Variants in SEZ6L observed in about 807,000 individuals in gnomAD.
SEZ6L encodes seizure related 6 homolog like.
In SEZ6L, 37 loss-of-function variants were observed where a neutral mutation model predicts 106.2. The observed-to-expected ratio is 0.35, with a 90% CI of 0.27 to 0.46. The LOEUF (loss-of-function observed/expected upper bound fraction) is 0.46, where lower values mean the gene tolerates loss of function less well. Among genes scored for constraint, SEZ6L ranks in the 20% least tolerant of loss-of-function variants. The pLI is 1.00. For synonymous variants in SEZ6L, 541 were observed against 570.4 expected (o/e 0.95, Z 0.73); for missense variants, 1,172 against 1,332.8 (o/e 0.88, Z 1.88).
rs369690932 is a variant in SEZ6L at position 26,375,585 on chromosome 22, G to A, written c.2838G>A (p.Ala946=). The A allele has an allele frequency of 7.4e-6, 12 of 1,613,908 alleles. No homozygotes were observed. Among genetic ancestry groups the A allele is most frequent in the Middle Eastern group, 1.6e-4 (1 of 6,066 alleles). The change falls in exon 15 of 17, where the codon GCG becomes GCA. Residue 946 remains alanine (A), a synonymous_variant. Coordinates refer to ENST00000248933, the MANE Select transcript of SEZ6L (RefSeq NM_021115.5). The part of the protein sequence containing the change: ...SFEHALEVAE[A]AAETSLEGGN... ...GGCTCCTGTGTTCAGTAGCAGAAGC[G>A]GCAGCAGAGACGTCGCTGGAAGGGG...
intron 9 of SEZ6L, among the ~76,000 whole-genome samples, chr22:26,337,129 G>A (rs1166063679): frequency 6.6e-6 from 1 of 152,132 alleles, no homozygotes; most frequent in East Asian, 1.9e-4. Flanking sequence ...GGAATATTAA[G>A]GCTGATTCAC....
At chr22:26,326,084 G>A (rs16981735) in intron 9 of SEZ6L, among the ~76,000 whole-genome samples, 2,166 of 152,248 alleles carry the variant, frequency 0.014, 50 homozygotes, top group African/African-American at 0.048. Context: ...GGATTGTGGT[G>A]GTAACTTGGA....
At chr22:26,263,796 C>T (rs142535840) in intron 1 of SEZ6L, among the ~76,000 whole-genome samples, 264 of 152,316 alleles carry the variant, frequency 1.7e-3, no homozygotes, top group African/African-American at 5.9e-3. Flanking sequence ...TCTCTTCCTT[C>T]TCTCAGCCTT....
At chr22:26,184,032 A>T (rs1488874522) in intron 1 of SEZ6L, among the ~76,000 whole-genome samples, 5 of 152,252 alleles carry the variant, frequency 3.3e-5, no homozygotes, top group Non-Finnish European at 7.3e-5. Context: ...ACTGAGGGTC[A>T]GAGAAACTCC....
rs1205653938 is a variant in SEZ6L at position 26,365,440 on chromosome 22, C to T, written c.2668C>T (p.Leu890Phe). Residue 890 changes from leucine (L) to phenylalanine (F), a missense_variant, in exon 13 of 17, where the codon CTC becomes TTC. Physicochemically the swap from Leu to Phe is conservative, Grantham distance 22. This residue lies in a region of SEZ6L where 141 missense variants were observed against 176.0 expected (regional missense o/e 0.80). Coordinates refer to ENST00000248933, the MANE Select transcript of SEZ6L (RefSeq NM_021115.5). ...TGGATACCAAATCCTGTACAAGCGACTCTACCTGCCAGGAGAGTCCCTCAC... is the reference window on the plus strand; with the variant it reads ...TGGATACCAAATCCTGTACAAGCGATTCTACCTGCCAGGAGAGTCCCTCAC... Reference protein sequence around the residue: ...ENGYQILYKRLYLPGESLTFM... With the variant: ...ENGYQILYKRFYLPGESLTFM... 6.2e-7 allele frequency: 1 copy of T among 1,614,022 alleles called. No individual in the cohort carries two copies. The highest frequency in any genetic ancestry group is 1.7e-5 in the Admixed American group (1 of 60,016).
At chr22:26,302,162 T>G (rs563313691) in intron 5 of SEZ6L, among the ~76,000 whole-genome samples, 1 of 152,278 alleles carries the variant, frequency 6.6e-6, no homozygotes, top group East Asian at 1.9e-4. Flanking sequence ...CCAGATCCCT[T>G]CTCTCCTGAG....
chr22:26,359,284 T>TG (rs1182201899), intron 12 of SEZ6L, among the ~76,000 whole-genome samples: 1 of 152,154 alleles, frequency 6.6e-6, no homozygotes, highest in Non-Finnish European at 1.5e-5. Context: ...TAGAGAATCC[T>TG]CAGCTCAAAT....
chr22:26,308,067 T>C (rs2145917085), intron 6 of SEZ6L, among the ~76,000 whole-genome samples: 1 of 152,262 alleles, frequency 6.6e-6, no homozygotes, highest in South Asian at 2.1e-4. Context: ...ATGAAGACAC[T>C]ACTCTCTGGG....
Position 26,375,351 on chromosome 22 carries a change from T to TA in SEZ6L, c.2828-223dup, listed in dbSNP as rs1165257390. Among the ~76,000 whole-genome samples the TA allele has an allele frequency of 2.0e-5, 3 of 152,298 alleles. No individual in the cohort carries two copies. In the East Asian group the frequency reaches 5.8e-4, roughly 29 times the overall value. On this transcript the variant is annotated intron_variant, in intron 14 of 16. Coordinates refer to ENST00000248933, the MANE Select transcript of SEZ6L (RefSeq NM_021115.5). ...TCAGGTTTCAAACAGTGTAATTCTC[T>TA]ATAGCTCCTATGGCCAACCCACCAA...
chr22:26,346,250 C>T (rs2083003853), intron 10 of SEZ6L, among the ~76,000 whole-genome samples: 1 of 152,094 alleles, frequency 6.6e-6, no homozygotes, highest in South Asian at 2.1e-4. Context: ...CTACATTGTC[C>T]AAGCTGATCT....
rs2083771334 is a variant in SEZ6L, at chr22:26,365,365, A to G, written c.2600-7A>G. 1.9e-6 allele frequency: 3 copies of G among 1,585,500 alleles called. No homozygotes were observed. The highest frequency in any genetic ancestry group is 2.6e-6 in the Non-Finnish European group (3 of 1,158,948). On this transcript the variant is annotated splice_region_variant and splice_polypyrimidine_tract_variant and intron_variant, in intron 12 of 16. Coordinates refer to ENST00000248933, the MANE Select transcript of SEZ6L (RefSeq NM_021115.5). ...CTCATCAGAGCTCCTTCTGGCTTGC[A>G]TTTCAGCGGAGGAGTCCCTGGCATG...
intron 12 of SEZ6L, among the ~76,000 whole-genome samples, chr22:26,360,485 G>A (rs1243356576): frequency 6.6e-6 from 1 of 152,204 alleles, no homozygotes; most frequent in Non-Finnish European, 1.5e-5. Flanking sequence ...CACAGAAGGT[G>A]TCCAGTGAAT....
intron 1 of SEZ6L, among the ~76,000 whole-genome samples, chr22:26,190,012 G>A (rs1009021280): frequency 1.3e-5 from 2 of 151,934 alleles, no homozygotes; most frequent in African/African-American, 4.8e-5. Flanking sequence ...CAGGAGAATG[G>A]CCTGAACCCG....
At chr22:26,175,053 T>C (rs1487864864) in intron 1 of SEZ6L, among the ~76,000 whole-genome samples, 1 of 152,132 alleles carries the variant, frequency 6.6e-6, no homozygotes, top group Non-Finnish European at 1.5e-5. Context: ...GTCAGAATCA[T>C]GACATCAAGT....
intron 1 of SEZ6L, among the ~76,000 whole-genome samples, chr22:26,202,548 C>T (rs904116931): frequency 1.3e-5 from 2 of 152,234 alleles, no homozygotes; most frequent in African/African-American, 4.8e-5. Flanking sequence ...CTTGAGGACA[C>T]TGTCAGGCAC....
chr22:26,269,378 C>T (rs2080290009), intron 1 of SEZ6L, among the ~76,000 whole-genome samples: 1 of 152,166 alleles, frequency 6.6e-6, no homozygotes, highest in Admixed American at 6.5e-5. Flanking sequence ...TAGCAGTACC[C>T]ACTGCTCTCT....
intron 4 of SEZ6L, among the ~76,000 whole-genome samples, chr22:26,297,728 C>T (rs2081341333): frequency 6.6e-6 from 1 of 151,636 alleles, no homozygotes; most frequent in Non-Finnish European, 1.5e-5. Flanking sequence ...TCTCTTACTT[C>T]CTTTCTCCTT....
intron 9 of SEZ6L, among the ~76,000 whole-genome samples, chr22:26,325,556 A>C (rs2082281055): frequency 6.6e-6 from 1 of 152,166 alleles, no homozygotes; most frequent in South Asian, 2.1e-4. Context: ...TCCCTACATG[A>C]TGCTTTCAGC....
intron 1 of SEZ6L, among the ~76,000 whole-genome samples, chr22:26,186,866 A>G (rs549691997): frequency 6.6e-6 from 1 of 152,294 alleles, no homozygotes; most frequent in South Asian, 2.1e-4. Context: ...GTTTATTCTC[A>G]GCTGTGCTTA....
Sources: gnomAD v4.1 joint callset for allele counts (sites outside exome capture counted in the v4.1 genomes callset) on GRCh38, gnomAD v4.1.1 for gene constraint, gnomAD v4.1.1 regional missense constraint, MANE v1.5 for transcripts, NCBI Gene and HGNC (gene_info 2026-07-23, HGNC 2026-07-21) for gene names.